Variants in TESK2 observed in about 807,000 individuals in gnomAD.
TESK2 encodes the protein dual specificity testis-specific protein kinase 2.
In TESK2, 39 loss-of-function variants were observed where a neutral mutation model predicts 57.1. The ratio of observed to expected loss-of-function variants is 0.68; its 90% CI spans 0.53 to 0.89. The LOEUF is 0.89. Ranked by LOEUF, TESK2 falls within the 40% of genes least tolerant of loss-of-function variation. The probability of loss-of-function intolerance (pLI) is 0.00; values close to 1 mark genes in which losing one functional copy is unlikely to be tolerated. For synonymous variants in TESK2, 249 were observed against 267.9 expected, an observed-to-expected ratio of 0.93 and a Z score of 0.69; for missense variants, 646 against 732.1, an observed-to-expected ratio of 0.88 and a Z score of 1.36.
intron 3 of TESK2, among the ~76,000 whole-genome samples, chr1:45,386,740 G>A (rs1278351075): frequency 2.0e-5 from 3 of 151,904 alleles, no homozygotes; most frequent in African/African-American, 7.3e-5. Context: ...TGCAACCTCC[G>A]CCTCCCGGGT....
chr1:45,346,262 C>T (rs968342225), intron 9 of TESK2, among the ~76,000 whole-genome samples: 1 of 152,182 alleles, frequency 6.6e-6, no homozygotes, highest in African/African-American at 2.4e-5. Context: ...TTCTTGAGTT[C>T]TGCTCCTAAT....
intron 3 of TESK2, among the ~76,000 whole-genome samples, chr1:45,414,813 G>C (rs1317600848): frequency 6.6e-6 from 1 of 152,148 alleles, no homozygotes; most frequent in Non-Finnish European, 1.5e-5. Context: ...GTGCTTATTA[G>C]CCACATGTGG....
chr1:45,466,292 T>C (rs946780952), intron 1 of TESK2, among the ~76,000 whole-genome samples: 1 of 152,054 alleles, frequency 6.6e-6, no homozygotes, highest in African/African-American at 2.4e-5. Flanking sequence ...CTGGCCAACA[T>C]GGTGAAACCC....
chr1:45,445,057 C>A (rs1651593929), intron 2 of TESK2, among the ~76,000 whole-genome samples: 1 of 152,124 alleles, frequency 6.6e-6, no homozygotes, highest in African/African-American at 2.4e-5. Context: ...ATTTTTCGGA[C>A]CTTGCATTCT....
intron 3 of TESK2, among the ~76,000 whole-genome samples, chr1:45,418,224 T>C (rs1470588475): frequency 1.3e-5 from 2 of 152,200 alleles, no homozygotes; most frequent in Non-Finnish European, 2.9e-5. Flanking sequence ...AATTAAAATA[T>C]TACTTCTTAA....
At chr1:45,362,472 A>T (rs1265117189) in intron 4 of TESK2, among the ~76,000 whole-genome samples, 1 of 152,242 alleles carries the variant, frequency 6.6e-6, no homozygotes, top group African/African-American at 2.4e-5. Flanking sequence ...AATTATAACT[A>T]TTCAGAACAA....
chr1:45,365,284 A>C lies in TESK2; in HGVS notation c.394-9835T>G, dbSNP rs181001133. Among the ~76,000 whole-genome samples the C allele has an allele frequency of 4.1e-3, 617 of 152,270 alleles. 14 individuals carry two copies. Among genetic ancestry groups the C allele is most frequent in the Admixed American group, 0.037 (560 of 15,276 alleles). ...AAGGACTGAATTTGCCTACCGCTCC[A>C]GGAGGTTCACCAGGGCCTGCCTGAC... On this transcript the variant is annotated intron_variant, in intron 4 of 10. Transcript: ENST00000372086.
chr1:45,477,460 T>C (rs903378672), intron 1 of TESK2, among the ~76,000 whole-genome samples: 2 of 151,396 alleles, frequency 1.3e-5, no homozygotes, highest in Admixed American at 6.6e-5. Context: ...CCGTCTCTAC[T>C]AAAATACAAA....
chr1:45,476,802 A>G (rs1174103085), intron 1 of TESK2, among the ~76,000 whole-genome samples: 2 of 151,798 alleles, frequency 1.3e-5, no homozygotes, highest in African/African-American at 2.4e-5. Context: ...AGCCGAGATC[A>G]CGCCACTGCA....
intron 3 of TESK2, among the ~76,000 whole-genome samples, chr1:45,396,205 C>G (rs1479493542): frequency 1.3e-5 from 2 of 152,094 alleles, no homozygotes; most frequent in African/African-American, 4.8e-5. Flanking sequence ...GTGATTCTCC[C>G]ACCTCAGCCT....
At chr1:45,441,617 CTTT>C (rs763476517) in intron 2 of TESK2, among the ~76,000 whole-genome samples, 10 of 118,664 alleles carry the variant, frequency 8.4e-5, no homozygotes, top group South Asian at 5.5e-4. Context: ...CAAAATTATT[CTTT>C]TTTTTTTTTT....
chr1:45,355,513 A>G, intron 4 of TESK2, 64 bp from the exon 5 acceptor site: 4 of 1,545,978 alleles, frequency 2.6e-6, no homozygotes, highest in East Asian at 2.3e-5. Context: ...TGGTGAAACC[A>G]TTAGAGAGTA....
intron 2 of TESK2, among the ~76,000 whole-genome samples, chr1:45,422,698 C>T (rs1039517347): frequency 1.3e-5 from 2 of 149,932 alleles, no homozygotes; most frequent in Non-Finnish European, 3.0e-5. Context: ...CCTGCCTCGG[C>T]CTCCCAAAAT....
At chr1:45,451,713 C>T (rs894425452) in intron 2 of TESK2, among the ~76,000 whole-genome samples, 11 of 152,182 alleles carry the variant, frequency 7.2e-5, no homozygotes, top group East Asian at 3.9e-4. Context: ...CTTTGAAGCA[C>T]GAACCTTTGT....
At chr1:45,379,111 T>C (rs992374675) in intron 4 of TESK2, among the ~76,000 whole-genome samples, 1 of 152,162 alleles carries the variant, frequency 6.6e-6, no homozygotes. Context: ...GCACAACTAA[T>C]AACAATATCA....
At chr1:45,455,813 G>A (rs1289013710) in intron 2 of TESK2, among the ~76,000 whole-genome samples, 1 of 151,964 alleles carries the variant, frequency 6.6e-6, no homozygotes, top group African/African-American at 2.4e-5. Flanking sequence ...AAAGAAAGAA[G>A]CTGGAAATGG....
chr1:45,423,580 A>T (rs1031782549), intron 2 of TESK2, among the ~76,000 whole-genome samples: 4 of 146,946 alleles, frequency 2.7e-5, no homozygotes, highest in Non-Finnish European at 3.0e-5. Context: ...AAAAATCTAT[A>T]AAAAAAAAAA....
chr1:45,464,166 A>G (rs769380243), intron 1 of TESK2, among the ~76,000 whole-genome samples: 5 of 152,190 alleles, frequency 3.3e-5, no homozygotes, highest in Non-Finnish European at 7.3e-5. Context: ...ATTCATGAAC[A>G]TTAAATATCT....
intron 2 of TESK2, among the ~76,000 whole-genome samples, chr1:45,446,627 G>A (rs1002393098): frequency 2.8e-4 from 43 of 152,150 alleles, no homozygotes; most frequent in Admixed American, 1.1e-3. Flanking sequence ...GAAAGTAACC[G>A]AAGATAGAAT....
Sources: allele counts gnomAD v4.1 joint callset (sites outside exome capture counted in the v4.1 genomes callset), GRCh38; gene constraint gnomAD v4.1.1; transcripts MANE v1.5; gene names NCBI Gene and HGNC (gene_info 2026-07-23, HGNC 2026-07-21).